Variants in KCNN2 observed in about 807,000 individuals in gnomAD.
KCNN2 encodes the protein potassium calcium-activated channel subfamily N member 2, also known as small conductance calcium-activated potassium channel protein 2.
KCNN2 carries 24 observed loss-of-function variants against 55.5 expected under a neutral mutation model. That is an observed-to-expected ratio of 0.43 (90% CI 0.31 to 0.61). The LOEUF is 0.61. Among genes scored for constraint, KCNN2 ranks in the 20% least tolerant of loss-of-function variants. The pLI is 0.08. For synonymous variants in KCNN2, 431 were observed against 336.1 expected (o/e 1.28, Z -3.09); for missense variants, 754 against 853.6 (o/e 0.88, Z 1.45).
Position 114,265,342 on chromosome 5 carries a change from TG to T in KCNN2, c.-185+43778del, listed in dbSNP as rs1294125387. On this transcript the variant is annotated intron_variant, in intron 2 of 10. Transcript: ENST00000512097. Reference sequence around the variant, plus strand: ...AAGAGGAGGTGTGTGTGTGTGTGTGTGTGTGTGTGTGTGTGTGTGTGTGCAT... The same window carrying T: ...AAGAGGAGGTGTGTGTGTGTGTGTGTTGTGTGTGTGTGTGTGTGTGTGCAT... 6.8e-3 allele frequency among the ~76,000 whole-genome samples: 1,002 copies of T among 148,218 alleles called. 14 individuals carry two copies. The highest frequency in any genetic ancestry group is 0.023 in the African/African-American group (909 of 39,890).
At chr5:114,374,431 C>T (rs1412354426) in intron 2 of KCNN2, among the ~76,000 whole-genome samples, 3 of 152,046 alleles carry the variant, frequency 2.0e-5, no homozygotes, top group Admixed American at 1.3e-4. Flanking sequence ...ATAAAAGGTG[C>T]TTTTTTCTTT....
At chr5:114,415,057 A>G (rs1223664550) in intron 3 of KCNN2, among the ~76,000 whole-genome samples, 1 of 152,200 alleles carries the variant, frequency 6.6e-6, no homozygotes, top group Non-Finnish European at 1.5e-5. Flanking sequence ...AGGCTGTCAT[A>G]TAAATTGAAT....
At chr5:114,478,414 T>C (rs996015308) in intron 5 of KCNN2, among the ~76,000 whole-genome samples, 3 of 151,586 alleles carry the variant, frequency 2.0e-5, no homozygotes, top group Admixed American at 6.6e-5. Context: ...AGATCAAACA[T>C]ACAACTGATT....
chr5:114,381,487 G>C (rs909375583), intron 2 of KCNN2, among the ~76,000 whole-genome samples: 1 of 152,140 alleles, frequency 6.6e-6, no homozygotes, highest in Non-Finnish European at 1.5e-5. Flanking sequence ...AGAATCTAAG[G>C]GCTCTAATAA....
chr5:114,090,211 A>G (rs985931021), intron 1 of KCNN2, among the ~76,000 whole-genome samples: 4 of 152,182 alleles, frequency 2.6e-5, no homozygotes, highest in Non-Finnish European at 5.9e-5. Flanking sequence ...CAAGTCAGTA[A>G]GTCAGGAAAA....
rs1032738842 is a variant in KCNN2, at chr5:114,188,212, C to G, written c.-270-33268C>G. On this transcript the variant is annotated intron_variant, in intron 1 of 10. Coordinates refer to the KCNN2 transcript ENST00000512097. ...AGATAGCACTCCAACCTTCCTGGCA[C>G]TTTAGGGTTTTAACCTAGCTACCTA... Among the ~76,000 whole-genome samples the G allele has an allele frequency of 3.3e-5, 5 of 152,156 alleles. No individual in the cohort carries two copies. In the East Asian group the frequency reaches 9.6e-4, roughly 29 times the overall value.
intron 1 of KCNN2, among the ~76,000 whole-genome samples, chr5:114,171,207 G>A (rs762368334): frequency 6.6e-6 from 1 of 151,948 alleles, no homozygotes; most frequent in Non-Finnish European, 1.5e-5. Flanking sequence ...AAGGAAGTAT[G>A]CATTCTAGTA....
At chr5:114,483,384 C>T (rs1370939241) in intron 5 of KCNN2, among the ~76,000 whole-genome samples, 5 of 150,284 alleles carry the variant, frequency 3.3e-5, no homozygotes, top group Non-Finnish European at 7.4e-5. Context: ...AAGCGATTCT[C>T]CTGCCTCAGC....
chr5:114,382,831 C>T (rs1758166970), intron 2 of KCNN2, among the ~76,000 whole-genome samples: 1 of 152,192 alleles, frequency 6.6e-6, no homozygotes, highest in African/African-American at 2.4e-5. Context: ...CAGCTTGCTT[C>T]AGTTAAATCC....
chr5:114,398,865 A>G (rs1214521346), intron 2 of KCNN2, among the ~76,000 whole-genome samples: 1 of 152,114 alleles, frequency 6.6e-6, no homozygotes, highest in African/African-American at 2.4e-5. Context: ...GTGTATAGGA[A>G]TGCTACTGGT....
rs920531781 is a variant in KCNN2, at chr5:114,439,151, A to G, written c.1638-23898A>G. On this transcript the variant is annotated intron_variant, in intron 3 of 7. Coordinates refer to ENST00000673685, the MANE Select transcript of KCNN2 (RefSeq NM_021614.4). ...AGAGGAGCTGGACAAATGGACGCCC[A>G]TAGCTAAATGGGAAGGGAAATCTCC... 1.2e-4 allele frequency among the ~76,000 whole-genome samples: 18 copies of G among 152,208 alleles called. 1 individual carries two copies. The highest frequency in any genetic ancestry group is 3.9e-4 in the African/African-American group (16 of 41,448).
intron 2 of KCNN2, among the ~76,000 whole-genome samples, chr5:114,390,488 G>T (rs1164466318): frequency 6.6e-6 from 1 of 152,046 alleles, no homozygotes; most frequent in Non-Finnish European, 1.5e-5. Flanking sequence ...TTTATTGGAG[G>T]CCAGATTTTG....
intron 2 of KCNN2, among the ~76,000 whole-genome samples, chr5:114,262,647 TG>T: frequency 6.6e-6 from 1 of 152,374 alleles, no homozygotes; most frequent in South Asian, 2.1e-4. Context: ...AAATTCTTCA[TG>T]GCATGAGAAG....
chr5:114,194,973 G>A (rs893763724), intron 1 of KCNN2, among the ~76,000 whole-genome samples: 3 of 151,440 alleles, frequency 2.0e-5, no homozygotes, highest in African/African-American at 7.3e-5. Flanking sequence ...AATTGTCTTG[G>A]CACCATTGTG....
At chr5:114,205,671 C>A (rs951791278) in intron 1 of KCNN2, among the ~76,000 whole-genome samples, 1 of 152,200 alleles carries the variant, frequency 6.6e-6, no homozygotes, top group South Asian at 2.1e-4. Flanking sequence ...AAAAAATGGG[C>A]CTTCGGGAGC....
chr5:114,286,119 A>G (rs556388189), intron 2 of KCNN2, among the ~76,000 whole-genome samples: 1 of 152,080 alleles, frequency 6.6e-6, no homozygotes, highest in Non-Finnish European at 1.5e-5. Context: ...GGGTTTCTCC[A>G]CATACAAAAG....
chr5:114,249,608 A>AT (rs978874607), intron 2 of KCNN2, among the ~76,000 whole-genome samples: 3 of 151,842 alleles, frequency 2.0e-5, no homozygotes, highest in Non-Finnish European at 4.4e-5. Flanking sequence ...TCTAAAAAGA[A>AT]TTTTTTCTCT....
At chr5:114,397,036 T>A (rs1758641363) in intron 2 of KCNN2, among the ~76,000 whole-genome samples, 1 of 152,220 alleles carries the variant, frequency 6.6e-6, no homozygotes, top group Non-Finnish European at 1.5e-5. Flanking sequence ...CCATCCACGC[T>A]GCTGCAAATG....
chr5:114,194,391 C>A (rs989630492), intron 1 of KCNN2, among the ~76,000 whole-genome samples: 2 of 151,972 alleles, frequency 1.3e-5, no homozygotes, highest in African/African-American at 4.8e-5. Flanking sequence ...TTATAGCCAT[C>A]CTAGTGGAGT....
Sources: allele counts gnomAD v4.1 joint callset (sites outside exome capture counted in the v4.1 genomes callset), GRCh38; gene constraint gnomAD v4.1.1; transcripts MANE v1.5; gene names NCBI Gene and HGNC (gene_info 2026-07-23, HGNC 2026-07-21).